Variants in TP53I11 observed in about 807,000 individuals in gnomAD.
TP53I11 encodes tumor protein p53 inducible protein 11.
TP53I11 carries 9 observed loss-of-function variants against 23.3 expected under a neutral mutation model. That is an observed-to-expected ratio of 0.39 (90% CI 0.23 to 0.67). The LOEUF (loss-of-function observed/expected upper bound fraction) is 0.67. Among genes scored for constraint, TP53I11 ranks in the 30% least tolerant of loss-of-function variants. The pLI is 0.48. For missense variants in TP53I11, 170 were observed against 255.2 expected (o/e 0.67, Z 2.27); for synonymous variants, 100 against 106.1 (o/e 0.94, Z 0.35).
At chr11:44,946,063 A>C (rs1055996625) in intron 1 of TP53I11, among the ~76,000 whole-genome samples, 9 of 152,212 alleles carry the variant, frequency 5.9e-5, no homozygotes, top group Non-Finnish European at 1.3e-4. Context: ...CTTTGGGCAG[A>C]CAAACTCCTC....
chr11:44,941,664 C>A (rs766242432), intron 1 of TP53I11, among the ~76,000 whole-genome samples: 1 of 152,132 alleles, frequency 6.6e-6, no homozygotes, highest in Non-Finnish European at 1.5e-5. Flanking sequence ...TGAAGACAGG[C>A]AATTATCAGA....
At chr11:44,945,449 C>T (rs1422432570) in intron 1 of TP53I11, among the ~76,000 whole-genome samples, 1 of 152,064 alleles carries the variant, frequency 6.6e-6, no homozygotes, top group South Asian at 2.1e-4. Context: ...AACTGGACAT[C>T]CTAAGAGAAG....
intron 1 of TP53I11, among the ~76,000 whole-genome samples, chr11:44,940,102 C>T (rs947261883): frequency 6.6e-6 from 1 of 152,238 alleles, no homozygotes; most frequent in South Asian, 2.1e-4. Flanking sequence ...TCTGGTGAAC[C>T]CAGATAGAAG....
intron 6 of TP53I11, among the ~76,000 whole-genome samples, chr11:44,935,256 T>C (rs1860958740): frequency 6.6e-6 from 1 of 151,992 alleles, no homozygotes; most frequent in Non-Finnish European, 1.5e-5. Flanking sequence ...ATTGAATGCG[T>C]GTTATTACAC....
intron 4 of TP53I11, 145 bp from the exon 5 acceptor site, chr11:44,937,044 C>T: frequency 1.4e-6 from 1 of 734,040 alleles, no homozygotes; most frequent in East Asian, 2.8e-5. Flanking sequence ...CCAATTGTCC[C>T]CACCCGCCCC....
rs1356593037 is a variant in TP53I11 at position 44,935,639 on chromosome 11, C to T, written c.358G>A (p.Ala120Thr). ...ATGACCTTCTCAGCCGTGTAGAGAG[C>T]GTTCCACATGATCAGGGAGATGCCT... Reference protein sequence around the residue: ...LLSISLIMWNALYTAEKVIIR... With the variant: ...LLSISLIMWNTLYTAEKVIIR... Residue 120 changes from alanine to threonine, a missense_variant, in exon 6 of 7, where the codon GCT (alanine) becomes ACT (threonine). Physicochemically the swap from Ala to Thr is moderately conservative, Grantham distance 58. Transcript: ENST00000525680. 5 of 1,521,308 alleles carry T rather than the reference C, an allele frequency of 3.3e-6. No homozygotes were observed. Among genetic ancestry groups the T allele is most frequent in the Admixed American group, 1.8e-5 (1 of 57,034 alleles). The allele number at this position is 1,521,308 out of a possible 1,614,324, so 94.2% of individuals were successfully genotyped here.
At chr11:44,939,590 C>T (rs1203983718) in intron 1 of TP53I11, among the ~76,000 whole-genome samples, 1 of 152,216 alleles carries the variant, frequency 6.6e-6, no homozygotes, top group African/African-American at 2.4e-5. Flanking sequence ...GTCCCCGGGT[C>T]ACCTCCCATT....
chr11:44,946,267 A>C (rs564610629), intron 1 of TP53I11, among the ~76,000 whole-genome samples: 20 of 152,282 alleles, frequency 1.3e-4, no homozygotes, highest in African/African-American at 4.6e-4. Context: ...CTAAGGAGGA[A>C]GCTGAGGCGA....
At chr11:44,947,505 C>T (rs1330945564) in intron 1 of TP53I11, among the ~76,000 whole-genome samples, 13 of 152,182 alleles carry the variant, frequency 8.5e-5, no homozygotes, top group Non-Finnish European at 1.9e-4. Context: ...GGAGCTTCCT[C>T]GAAGGGATGC....
At chr11:44,942,178 AAACACACACAC>A (rs1355740598) in intron 1 of TP53I11, among the ~76,000 whole-genome samples, 3 of 138,438 alleles carry the variant, frequency 2.2e-5, no homozygotes, top group Non-Finnish European at 4.7e-5. Context: ...TGCACACACA[AAACACACACAC>A]ACCACACATA....
chr11:44,938,932 G>C (rs1861468580), intron 1 of TP53I11, among the ~76,000 whole-genome samples: 1 of 152,152 alleles, frequency 6.6e-6, no homozygotes. Context: ...CAGAGCCAGA[G>C]AAGGCTGCCA....
chr11:44,938,162 C>A, intron 2 of TP53I11, 45 bp downstream of exon 2: 17 of 1,584,898 alleles, frequency 1.1e-5, no homozygotes, highest in Non-Finnish European at 1.5e-5. Flanking sequence ...GTGGGTCAGC[C>A]TGGCCTCCCC....
chr11:44,941,904 T>G (rs2135467939), intron 1 of TP53I11, among the ~76,000 whole-genome samples: 1 of 152,142 alleles, frequency 6.6e-6, no homozygotes, highest in South Asian at 2.1e-4. Flanking sequence ...AGGCATTGGA[T>G]GCATTGCTTT....
chr11:44,945,874 G>A (rs1030221529), intron 1 of TP53I11, among the ~76,000 whole-genome samples: 4 of 152,236 alleles, frequency 2.6e-5, no homozygotes, highest in Middle Eastern at 3.4e-3. Flanking sequence ...CTCCAGCTGC[G>A]GTCCCTCCCA....
intron 3 of TP53I11, 101 bp downstream of exon 3, chr11:44,937,454 A>G: frequency 2.6e-6 from 4 of 1,524,414 alleles, no homozygotes; most frequent in Non-Finnish European, 3.5e-6. Context: ...TAATGAGACA[A>G]AATAAAATCC....
chr11:44,946,024 A>C (rs1862360069), intron 1 of TP53I11, among the ~76,000 whole-genome samples: 1 of 152,134 alleles, frequency 6.6e-6, no homozygotes, highest in Non-Finnish European at 1.5e-5. Flanking sequence ...TTGTGTTCAG[A>C]TCTTGGCTCT....
intron 2 of TP53I11, 95 bp from the exon 3 acceptor site, chr11:44,937,708 A>C: frequency 7.4e-7 from 1 of 1,342,644 alleles, no homozygotes; most frequent in South Asian, 1.2e-5. Flanking sequence ...CCCAGGGACC[A>C]GCCTGGGCAC....
chr11:44,938,380 C>T lies in TP53I11; in HGVS notation c.-31-14G>A. The stretch of plus-strand genomic sequence containing the variant: ...TCTGCAGAAGGGCTGAGGGGAGACA[C>T]CGGCCTCAGGCCACAGTTCCTACCC... On this transcript the variant is annotated splice_polypyrimidine_tract_variant and intron_variant, in intron 1 of 6. Transcript: ENST00000525680. 6.6e-7 allele frequency: 1 copy of T among 1,522,094 alleles called. No homozygotes were observed. Among genetic ancestry groups the T allele is most frequent in the Non-Finnish European group, 8.8e-7 (1 of 1,136,614 alleles). The allele number at this position is 1,522,094 out of a possible 1,614,324, so 94.3% of individuals were successfully genotyped here.
chr11:44,940,620 G>A (rs1861654293), intron 1 of TP53I11: 1 of 152,158 alleles, frequency 6.6e-6, no homozygotes, highest in Non-Finnish European at 1.5e-5. Context: ...GTATTCCCTG[G>A]GGTACGTGTA....
Sources: allele counts gnomAD v4.1 joint callset (sites outside exome capture counted in the v4.1 genomes callset), GRCh38; gene constraint gnomAD v4.1.1; transcripts MANE v1.5; gene names NCBI Gene and HGNC (gene_info 2026-07-23, HGNC 2026-07-21).